Variants in IL5RA observed in about 807,000 individuals in gnomAD.
IL5RA encodes interleukin 5 receptor subunit alpha, also known as interleukin-5 receptor subunit alpha.
In IL5RA, 49 loss-of-function variants were observed where a neutral mutation model predicts 50.0. That is an observed-to-expected ratio of 0.98 (90% CI 0.78 to 1.24). The LOEUF is 1.24. IL5RA is among the 50% of genes most tolerant of loss of function. IL5RA has a pLI of 0.00. For synonymous variants in IL5RA, 202 were observed against 174.0 expected (o/e 1.16, Z -1.26); for missense variants, 600 against 500.4 (o/e 1.20, Z -1.90).
intron 9 of IL5RA, among the ~76,000 whole-genome samples, chr3:3,087,794 C>G (rs1168414333): frequency 2.0e-5 from 3 of 152,174 alleles, no homozygotes; most frequent in Admixed American, 2.0e-4. Flanking sequence ...GCCTGATGGA[C>G]TCCTAGCTGA....
intron 9 of IL5RA, among the ~76,000 whole-genome samples, chr3:3,086,463 G>C (rs1344931824): frequency 6.6e-6 from 1 of 152,092 alleles, no homozygotes; most frequent in Non-Finnish European, 1.5e-5. Context: ...TAAAAATTGG[G>C]AAGTTAGCTC....
chr3:3,070,146 G>A lies in IL5RA; in HGVS notation c.*79C>T. 1.1e-6 allele frequency: 1 copy of A among 917,050 alleles called. No homozygotes were observed. The highest frequency in any genetic ancestry group is 1.8e-6 in the Non-Finnish European group (1 of 568,670). 56.8% of individuals were successfully genotyped at this position (917,050 alleles called of 1,614,324 possible). Reference sequence around the variant, plus strand: ...TTGCCTAAATTCTGAACACCTCTTAGCCAAGAGCCAGCATCCCTGTTCTTT... The same window carrying A: ...TTGCCTAAATTCTGAACACCTCTTAACCAAGAGCCAGCATCCCTGTTCTTT... On this transcript the variant is annotated 3_prime_UTR_variant, in exon 12 of 12. Transcript: ENST00000446632.
At chr3:3,097,159 G>A (rs1343175488) in intron 7 of IL5RA, among the ~76,000 whole-genome samples, 6 of 152,224 alleles carry the variant, frequency 3.9e-5, no homozygotes, top group African/African-American at 1.4e-4. Flanking sequence ...GGATGAGGGA[G>A]AGTGTCTTCT....
At chr3:3,094,044 T>G (rs1703248705) in intron 8 of IL5RA, among the ~76,000 whole-genome samples, 1 of 152,192 alleles carries the variant, frequency 6.6e-6, no homozygotes, top group African/African-American at 2.4e-5. Context: ...GCTCAAGAAA[T>G]GTTGATTGGC....
intron 2 of IL5RA, among the ~76,000 whole-genome samples, chr3:3,107,518 T>C (rs965732827): frequency 9.2e-5 from 14 of 152,134 alleles, no homozygotes; most frequent in African/African-American, 2.9e-4. Flanking sequence ...AACATATATA[T>C]CGACAATATG....
Position 3,068,614 on chromosome 3 carries a change from A to C in IL5RA, c.*1611T>G, listed in dbSNP as rs1325474130. 1 of 135,616 alleles carries C rather than the reference A, an allele frequency of 7.4e-6. No homozygotes were observed. Among genetic ancestry groups the C allele is most frequent in the South Asian group, 2.3e-4 (1 of 4,274 alleles). 8.4% of individuals were successfully genotyped at this position (135,616 alleles called of 1,614,324 possible). A position where few individuals can be genotyped will look rare whatever the true frequency, so the allele number is the denominator to read the frequency against. On this transcript the variant is annotated 3_prime_UTR_variant, in exon 12 of 12. Transcript: ENST00000446632. ...AAAAAAAAAAAAAAAAAAAACAAAA[A>C]CAGGTTTGAGATTATGAATCATTTG...
In IL5RA at chr3:3,076,512, A is replaced by C. The variant is rs748297303; in HGVS notation, c.1091+19T>G. 1 of 1,520,042 alleles carries C rather than the reference A, an allele frequency of 6.6e-7. No individual in the cohort carries two copies. Among genetic ancestry groups the C allele is most frequent in the Non-Finnish European group, 9.1e-7 (1 of 1,096,126 alleles). The allele number at this position is 1,520,042 out of a possible 1,614,324, so 94.2% of individuals were successfully genotyped here. On this transcript the variant is annotated intron_variant, in intron 10 of 11. Transcript: ENST00000446632. ...TACTGAAACCCCACTGCAAGCACGC[A>C]AATGTAAAGAACACTTACATTTTAC... is the stretch of plus-strand genomic sequence containing the variant.
chr3:3,071,353 G>A (rs77745711), intron 11 of IL5RA, among the ~76,000 whole-genome samples: 1 of 152,294 alleles, frequency 6.6e-6, no homozygotes, highest in East Asian at 1.9e-4. Flanking sequence ...GCCAGGTGGC[G>A]TGGCTCATGC....
intron 2 of IL5RA, among the ~76,000 whole-genome samples, chr3:3,107,966 G>A (rs1200953610): frequency 3.9e-5 from 6 of 151,946 alleles, no homozygotes; most frequent in South Asian, 2.1e-4. Flanking sequence ...TGGGGCGTTC[G>A]TTTTATAACC....
intron 5 of IL5RA, among the ~76,000 whole-genome samples, chr3:3,099,027 A>G (rs893601776): frequency 6.6e-6 from 1 of 152,226 alleles, no homozygotes; most frequent in African/African-American, 2.4e-5. Context: ...GGTCTTGCGT[A>G]TCCCTTTCCA....
At position 3,095,382 on chromosome 3, in the gene IL5RA, A is replaced by C. The variant is rs1366925353; in HGVS notation, c.772T>G (p.Trp258Gly). 6.2e-7 allele frequency: 1 copy of C among 1,610,270 alleles called. No homozygotes were observed. Among genetic ancestry groups the C allele is most frequent in the East Asian group, 2.2e-5 (1 of 44,864 alleles). The change falls in exon 8 of 12, where the codon TGG becomes GGG. Residue 258 changes from tryptophan to glycine, a missense_variant. Trp to Gly is a radical substitution (Grantham distance 184). Transcript: ENST00000446632. ...GGAAAAGCAGACACTGGTTTCTCCCATTGGATAGAGAGACGAGTTCCTTCA... is the reference window on the plus strand; with the variant it reads ...GGAAAAGCAGACACTGGTTTCTCCCCTTGGATAGAGAGACGAGTTCCTTCA... ...EIEGTRLSIQ[W>G]EKPVSAFPIH...
chr3:3,098,959 AC>A (rs1285912864), intron 5 of IL5RA, among the ~76,000 whole-genome samples: 1 of 151,936 alleles, frequency 6.6e-6, no homozygotes, highest in East Asian at 1.9e-4. Flanking sequence ...TGAGACATTG[AC>A]CCCCACTCTT....
In IL5RA at chr3:3,069,933, A is replaced by G. The variant is rs1192772037; in HGVS notation, c.*292T>C. 3 of 260,470 alleles carry G rather than the reference A, an allele frequency of 1.2e-5. No homozygotes were observed. The highest frequency in any genetic ancestry group is 2.2e-5 in the Non-Finnish European group (3 of 138,754). The allele number at this position is 260,470 out of a possible 1,614,324, so 16.1% of individuals were successfully genotyped here. Reference sequence around the variant, plus strand: ...TGAATGAAAAGTCTGAGGTGAGTCAAGCAAATTGCAAAGATTGGCAGGTGA... The same window carrying G: ...TGAATGAAAAGTCTGAGGTGAGTCAGGCAAATTGCAAAGATTGGCAGGTGA... On this transcript the variant is annotated 3_prime_UTR_variant, in exon 12 of 12. Coordinates refer to ENST00000446632, the MANE Select transcript of IL5RA (RefSeq NM_175726.4).
At chr3:3,108,952 A>C (rs1365889063) in intron 1 of IL5RA, among the ~76,000 whole-genome samples, 1 of 152,230 alleles carries the variant, frequency 6.6e-6, no homozygotes, top group Admixed American at 6.5e-5. Context: ...CTTTTTCGAT[A>C]ACCATGAAAG....
chr3:3,103,014 A>C, intron 3 of IL5RA, 194 bp from the exon 4 acceptor site: 1 of 459,348 alleles, frequency 2.2e-6, no homozygotes, highest in East Asian at 4.0e-5. Context: ...AGCTGGGACT[A>C]CAGGCGCATG....
Position 3,092,449 on chromosome 3 carries a change from C to T in IL5RA, c.856-87G>A. ...TCAGAATGGGAGGTCCTATATAGGT[C>T]ATGTGACTCACTGTTCAGCAAGTCC... On this transcript the variant is annotated intron_variant, in intron 8 of 11. Transcript: ENST00000446632. The surrounding 1 kb of genome is among the most constrained non-coding windows in gnomAD (Gnocchi z 4.2). 1 of 1,209,386 alleles carries T rather than the reference C, an allele frequency of 8.3e-7. No individual in the cohort carries two copies. Among genetic ancestry groups the T allele is most frequent in the African/African-American group, 1.5e-5 (1 of 66,772 alleles). 74.9% of individuals were successfully genotyped at this position (1,209,386 alleles called of 1,614,324 possible). A position where few individuals can be genotyped will look rare whatever the true frequency, so the allele number is the denominator to read the frequency against.
rs763504447 is a variant in IL5RA, at chr3:3,092,697, T to C, written c.856-335A>G. On this transcript the variant is annotated intron_variant, in intron 8 of 11. Transcript: ENST00000446632. The surrounding 1 kb of genome is among the most constrained non-coding windows in gnomAD (Gnocchi z 4.2). ...ATTATTCCCTCACCTTGTCTCTCCA[T>C]AATCTATAGTCACATTACTAAATAA... Among the ~76,000 whole-genome samples, 1 of 152,238 alleles carries C rather than the reference T, an allele frequency of 6.6e-6. No individual in the cohort carries two copies. Among genetic ancestry groups the C allele is most frequent in the Non-Finnish European group, 1.5e-5 (1 of 68,042 alleles).
At chr3:3,099,658 T>TTTATTATTATTATTATTA (rs10525244) in intron 5 of IL5RA, among the ~76,000 whole-genome samples, 1,888 of 144,274 alleles carry the variant, frequency 0.013, 39 homozygotes, top group African/African-American at 0.044. Context: ...TTTTATTTTA[T>TTTATTATTATTATTATTA]TTATTATTAT....
chr3:3,070,575 CTTT>C (rs71058670), intron 11 of IL5RA, among the ~76,000 whole-genome samples: 1 of 84,900 alleles, frequency 1.2e-5, no homozygotes, highest in African/African-American at 5.4e-5. Context: ...GGATACACAT[CTTT>C]TTTTTTTTTT....
Sources: gnomAD v4.1 joint callset for allele counts (sites outside exome capture counted in the v4.1 genomes callset) on GRCh38, gnomAD v4.1.1 for gene constraint, Gnocchi (gnomAD v3.1) non-coding constraint, MANE v1.5 for transcripts, NCBI Gene and HGNC (gene_info 2026-07-23, HGNC 2026-07-21) for gene names.